METTL9: variants seen among roughly 807,000 people sequenced by gnomAD.
METTL9 encodes the protein methyltransferase 9, His-X-His N1(pi)-histidine, also known as protein-L-histidine N-pros-methyltransferase.
In METTL9, 10 loss-of-function variants were observed where a neutral mutation model predicts 36.0. The observed-to-expected ratio is 0.28, with a 90% CI of 0.17 to 0.47. METTL9 has a LOEUF of 0.47. Ranked by LOEUF, METTL9 falls within the 20% of genes least tolerant of loss-of-function variation. The pLI is 0.99. For missense variants in METTL9, 246 were observed against 383.5 expected (o/e 0.64, Z 3.00); for synonymous variants, 175 against 149.7 (o/e 1.17, Z -1.23).
At chr16:21,598,352 CAAAAAAAAAAAA>C (rs1161878357), upstream of METTL9, among the ~76,000 whole-genome samples, 3 of 59,170 alleles carry the variant, frequency 5.1e-5, no homozygotes, top group East Asian at 1.0e-3. Context: ...CACTCCGTTT[CAAAAAAAAAAAA>C]AAAAAAAAGC....
At chr16:21,599,122 C>G (rs966651681), upstream of METTL9, among the ~76,000 whole-genome samples, 2 of 152,110 alleles carry the variant, frequency 1.3e-5, no homozygotes, top group African/African-American at 4.8e-5. This position sits in a 1 kb window ranked among gnomAD's most constrained non-coding sequence, Gnocchi z 4.4. Flanking sequence ...AGGAATGACT[C>G]CCCTCTTTGC....
chr16:21,610,035 A>G (rs1407916086), intron 1 of METTL9, among the ~76,000 whole-genome samples: 1 of 152,084 alleles, frequency 6.6e-6, no homozygotes, highest in Non-Finnish European at 1.5e-5. Context: ...AAAGAGTACA[A>G]TTCATTGATT....
intron 4 of METTL9, among the ~76,000 whole-genome samples, chr16:21,626,496 G>A (rs1486814822): frequency 6.6e-5 from 10 of 152,130 alleles, no homozygotes; most frequent in Admixed American, 5.9e-4. Context: ...TTTCAGATTT[G>A]TGTTGATAAT....
intron 4 of METTL9, chr16:21,643,484 T>G (rs952813899): frequency 9.5e-7 from 1 of 1,058,078 alleles, no homozygotes; most frequent in African/African-American, 1.6e-5. Context: ...AAAAAATATT[T>G]CAGTTTTGAA....
At chr16:21,635,686 G>A (rs538193114) in intron 4 of METTL9, among the ~76,000 whole-genome samples, 2 of 152,274 alleles carry the variant, frequency 1.3e-5, no homozygotes, top group East Asian at 1.9e-4. Flanking sequence ...TTCAGGGTTT[G>A]TGGGTCAAAT....
intron 4 of METTL9, chr16:21,654,947 A>AT: frequency 2.3e-6 from 1 of 441,310 alleles, no homozygotes; most frequent in Non-Finnish European, 4.1e-6. Flanking sequence ...GTCAGAGAAG[A>AT]TAACAGTGTG....
chr16:21,645,426 C>T (rs1350932947), intron 4 of METTL9, among the ~76,000 whole-genome samples: 2 of 152,144 alleles, frequency 1.3e-5, no homozygotes, highest in Non-Finnish European at 2.9e-5. Flanking sequence ...CACGGCACTC[C>T]AGCCCGGGCG....
chr16:21,612,426 G>T (rs375771365), intron 1 of METTL9: 28 of 423,040 alleles, frequency 6.6e-5, no homozygotes, highest in Middle Eastern at 1.3e-3. Flanking sequence ...TACCTTGAGG[G>T]CTGTAAGAGA....
chr16:21,651,165 G>C (rs1022455420), intron 4 of METTL9, among the ~76,000 whole-genome samples: 1 of 152,206 alleles, frequency 6.6e-6, no homozygotes, highest in Non-Finnish European at 1.5e-5. Flanking sequence ...GGAGCTTGCA[G>C]TGAGCCGAGA....
intron 2 of METTL9, among the ~76,000 whole-genome samples, chr16:21,617,236 G>A (rs929349012): frequency 2.6e-5 from 4 of 151,644 alleles, no homozygotes; most frequent in Admixed American, 2.6e-4. Flanking sequence ...GGCTAACATG[G>A]TGAAACCCCT....
At chr16:21,608,676 G>T (rs766440993) in intron 1 of METTL9, among the ~76,000 whole-genome samples, 1 of 152,142 alleles carries the variant, frequency 6.6e-6, no homozygotes, top group Non-Finnish European at 1.5e-5. Context: ...TAACCTGATG[G>T]ATAGGCACTA....
At chr16:21,637,223 C>G (rs1966122066) in intron 4 of METTL9, among the ~76,000 whole-genome samples, 1 of 152,176 alleles carries the variant, frequency 6.6e-6, no homozygotes, top group African/African-American at 2.4e-5. Context: ...CTGATTGGTC[C>G]ATTTTACAGA....
chr16:21,600,387 CTG>C (rs1178159668), intron 1 of METTL9, among the ~76,000 whole-genome samples: 1 of 152,184 alleles, frequency 6.6e-6, no homozygotes, highest in African/African-American at 2.4e-5. Context: ...AGAAATGTAA[CTG>C]TACATCGCAA....
intron 4 of METTL9, among the ~76,000 whole-genome samples, chr16:21,645,150 A>T (rs1476825016): frequency 6.6e-6 from 1 of 152,182 alleles, no homozygotes; most frequent in African/African-American, 2.4e-5. Flanking sequence ...TGTACTTTCC[A>T]ACTAAATATC....
intron 4 of METTL9, chr16:21,643,657 A>G (rs1043320039): frequency 8.9e-7 from 1 of 1,120,900 alleles, no homozygotes; most frequent in African/African-American, 1.6e-5. Flanking sequence ...CAATGGTGGC[A>G]GATATCTCAT....
intron 1 of METTL9, among the ~76,000 whole-genome samples, chr16:21,602,662 AGT>A (rs1965164751): frequency 1.1e-5 from 1 of 90,786 alleles, no homozygotes; most frequent in South Asian, 4.3e-4. Flanking sequence ...CTACAAATAA[AGT>A]GTTTTTTTTT....
chr16:21,645,855 CTTAACTTATTTA>C (rs981557136), intron 4 of METTL9, among the ~76,000 whole-genome samples: 1 of 152,142 alleles, frequency 6.6e-6, no homozygotes, highest in Non-Finnish European at 1.5e-5. Context: ...CTTTAAGTGC[CTTAACTTATTTA>C]TAATTTAGCT....
chr16:21,636,589 G>A (rs1383321607), intron 4 of METTL9, among the ~76,000 whole-genome samples: 1 of 152,194 alleles, frequency 6.6e-6, no homozygotes, highest in Non-Finnish European at 1.5e-5. Context: ...CATGGCCGCA[G>A]GGTCAACCAA....
At chr16:21,650,447 G>A (rs758922534) in intron 4 of METTL9, among the ~76,000 whole-genome samples, 5 of 148,656 alleles carry the variant, frequency 3.4e-5, no homozygotes, top group Non-Finnish European at 7.4e-5. Flanking sequence ...GGTGGAGGTT[G>A]CAGTGAGCTG....
Sources: allele counts gnomAD v4.1 joint callset (sites outside exome capture counted in the v4.1 genomes callset), GRCh38; gene constraint gnomAD v4.1.1; non-coding constraint Gnocchi (gnomAD v3.1); transcripts MANE v1.5; gene names NCBI Gene and HGNC (gene_info 2026-07-23, HGNC 2026-07-21).